RNF145: variants seen among roughly 807,000 people sequenced by gnomAD.
RNF145 encodes ring finger protein 145.
RNF145 carries 12 observed loss-of-function variants against 57.3 expected under a neutral mutation model. The observed-to-expected ratio is 0.21, with a 90% CI of 0.13 to 0.34. RNF145 has a LOEUF of 0.34. RNF145 is among the 10% of genes least tolerant of loss of function. The pLI is 1.00. For missense variants in RNF145, 429 were observed against 799.0 expected (o/e 0.54, Z 5.58); for synonymous variants, 262 against 288.3 (o/e 0.91, Z 0.92).
intron 8 of RNF145, among the ~76,000 whole-genome samples, chr5:159,165,881 A>T (rs1295693119): frequency 6.6e-6 from 1 of 152,190 alleles, no homozygotes; most frequent in African/African-American, 2.4e-5. Flanking sequence ...TTGCATTGGC[A>T]TCTGGGTTGT....
chr5:159,199,181 G>A (rs532526308), intron 2 of RNF145, among the ~76,000 whole-genome samples: 2 of 152,124 alleles, frequency 1.3e-5, no homozygotes, highest in South Asian at 4.1e-4. Context: ...TGGAATCACA[G>A]AGGAAGAACA....
Position 159,161,639 on chromosome 5 carries a change from A to G in RNF145, c.1270-17T>C. 2 of 1,302,400 alleles carry G rather than the reference A, an allele frequency of 1.5e-6. No homozygotes were observed. The highest frequency in any genetic ancestry group is 2.2e-6 in the Non-Finnish European group (2 of 921,842). 80.7% of individuals were successfully genotyped at this position (1,302,400 alleles called of 1,614,324 possible). On this transcript the variant is annotated splice_polypyrimidine_tract_variant and intron_variant, in intron 9 of 10. Coordinates refer to ENST00000424310, the MANE Select transcript of RNF145 (RefSeq NM_001199383.2). ...TCCCAGAACCTGAAAAAAAAAAAAA[A>G]ATGTACGTATCTTGAAATATGATCA...
At position 159,176,806 on chromosome 5, in the gene RNF145, A is replaced by G. The variant is rs1784734848; in HGVS notation, c.447T>C (p.Phe149=). The change falls in exon 5 of 11, where the codon TTT becomes TTC. Residue 149 remains phenylalanine, a synonymous_variant. Transcript: ENST00000424310. ...CVMKTKQIWL[F]SAHMLPLLAR... ...CTAGCAGAGGAAGCATGTGAGCTGAAAACAGCCAAATCTGCTTTGTTTTCA... is the reference window on the plus strand; with the variant it reads ...CTAGCAGAGGAAGCATGTGAGCTGAGAACAGCCAAATCTGCTTTGTTTTCA... The G allele has an allele frequency of 1.2e-6, 2 of 1,612,524 alleles. No individual in the cohort carries two copies. The highest frequency in any genetic ancestry group is 1.3e-5 in the African/African-American group (1 of 74,878).
chr5:159,199,419 G>C (rs1202051600), intron 2 of RNF145, among the ~76,000 whole-genome samples: 1 of 152,010 alleles, frequency 6.6e-6, no homozygotes, highest in African/African-American at 2.4e-5. Flanking sequence ...TCAAGAAAGA[G>C]GAAGTGGTAA....
At chr5:159,198,113 A>T (rs1025207963) in intron 2 of RNF145, among the ~76,000 whole-genome samples, 3 of 152,010 alleles carry the variant, frequency 2.0e-5, no homozygotes, top group Non-Finnish European at 4.4e-5. Context: ...GTGGTGGCAC[A>T]CAACTGTGGT....
At chr5:159,164,674 C>T (rs1784336593) in intron 8 of RNF145, among the ~76,000 whole-genome samples, 1 of 152,084 alleles carries the variant, frequency 6.6e-6, no homozygotes, top group Non-Finnish European at 1.5e-5. Flanking sequence ...ATTGAAACCT[C>T]GTGCAATAGG....
chr5:159,207,947 G>A lies in RNF145; in HGVS notation c.-40+1284C>T, dbSNP rs989481023. ...GCAGCACCGACAGCTCATTCTTTTG[G>A]GCATGATTCAAGATTCAGTAAAACT... On this transcript the variant is annotated intron_variant, in intron 1 of 10. Coordinates refer to ENST00000424310, the MANE Select transcript of RNF145 (RefSeq NM_001199383.2). 20 of 1,604,032 alleles carry A rather than the reference G, an allele frequency of 1.2e-5. No individual in the cohort carries two copies. In the African/African-American group the frequency reaches 2.0e-4, roughly 16 times the overall value.
rs771351378 is a variant in RNF145 at position 159,158,775 on chromosome 5, A to G, written c.1887T>C (p.Asn629=). The G allele has an allele frequency of 1.9e-6, 3 of 1,613,940 alleles. No homozygotes were observed. Among genetic ancestry groups the G allele is most frequent in the Non-Finnish European group, 2.5e-6 (3 of 1,179,868 alleles). ...CTGGTCGTCTGGCAATGTACTCATTATTGTCCCTGGAACCTTCCTGTATCC... is the reference window on the plus strand; with the variant it reads ...CTGGTCGTCTGGCAATGTACTCATTGTTGTCCCTGGAACCTTCCTGTATCC... ...GTRIQEGSRD[N]NEYIARRPDN... is the part of the protein sequence containing the mutation. Residue 629 remains asparagine (N), a synonymous_variant, in exon 11 of 11, where the codon AAT becomes AAC. Coordinates refer to ENST00000424310, the MANE Select transcript of RNF145 (RefSeq NM_001199383.2).
intron 3 of RNF145, among the ~76,000 whole-genome samples, chr5:159,193,314 G>C (rs1353761788): frequency 6.6e-6 from 1 of 152,182 alleles, no homozygotes; most frequent in Non-Finnish European, 1.5e-5. Flanking sequence ...CCTACCCTGG[G>C]CAGGATGGTG....
intron 6 of RNF145, among the ~76,000 whole-genome samples, chr5:159,173,746 T>C (rs559476170): frequency 7.9e-5 from 12 of 152,334 alleles, no homozygotes; most frequent in African/African-American, 2.6e-4. Flanking sequence ...GCTATGTACC[T>C]TTCCACAAAT....
At chr5:159,188,402 AAAAAAG>A (rs1357683535) in intron 3 of RNF145, among the ~76,000 whole-genome samples, 1 of 152,130 alleles carries the variant, frequency 6.6e-6, no homozygotes, top group Non-Finnish European at 1.5e-5. Context: ...TCAAAAAAAA[AAAAAAG>A]AAATACTGGA....
At chr5:159,208,521 G>A (rs1379398801) in intron 1 of RNF145, among the ~76,000 whole-genome samples, 4 of 152,106 alleles carry the variant, frequency 2.6e-5, no homozygotes, top group African/African-American at 7.2e-5. Flanking sequence ...AAAAGGAAGG[G>A]ATGAGGAGCC....
chr5:159,189,495 G>A (rs1016393173), intron 3 of RNF145, among the ~76,000 whole-genome samples: 1 of 152,188 alleles, frequency 6.6e-6, no homozygotes, highest in Non-Finnish European at 1.5e-5. Context: ...CTCATACACC[G>A]CTGGTAGAAA....
In RNF145 at chr5:159,209,273, G is replaced by A. The variant is rs539884155; in HGVS notation, c.-82C>T. The A allele has an allele frequency of 7.1e-4, 699 of 985,356 alleles. 3 individuals carry two copies. In the South Asian group the frequency reaches 8.4e-3, roughly 12 times the overall value. The allele number at this position is 985,356 out of a possible 1,614,324, so 61.0% of individuals were successfully genotyped here. Reference sequence around the variant, plus strand: ...CTCCCTGGGGAGCGGCGCTGCCGGCGGGCGGGCTCCGCAACTCCCCGGCTC... The same window carrying A: ...CTCCCTGGGGAGCGGCGCTGCCGGCAGGCGGGCTCCGCAACTCCCCGGCTC... On this transcript the variant is annotated 5_prime_UTR_variant, in exon 1 of 11. Coordinates refer to ENST00000424310, the MANE Select transcript of RNF145 (RefSeq NM_001199383.2).
chr5:159,193,572 G>C (rs1785357144), intron 3 of RNF145, among the ~76,000 whole-genome samples: 1 of 152,092 alleles, frequency 6.6e-6, no homozygotes, highest in Admixed American at 6.5e-5. Flanking sequence ...GAATTGAACA[G>C]TATTTTAAAA....
chr5:159,187,536 C>T lies in RNF145; in HGVS notation c.294-5485G>A, dbSNP rs1020821613. Among the ~76,000 whole-genome samples the T allele has an allele frequency of 2.6e-5, 4 of 151,922 alleles. 1 individual carries two copies. The highest frequency in any genetic ancestry group is 2.0e-4 in the Admixed American group (3 of 15,268). On this transcript the variant is annotated intron_variant, in intron 3 of 10. Coordinates refer to ENST00000424310, the MANE Select transcript of RNF145 (RefSeq NM_001199383.2). ...TAGATACGGGGTTTCACTATGTTGG[C>T]CAGGCTGGTCTCGAATGCCTGACCT...
At chr5:159,172,479 C>CA (rs57179088) in intron 6 of RNF145, among the ~76,000 whole-genome samples, 80 of 135,678 alleles carry the variant, frequency 5.9e-4, no homozygotes, top group African/African-American at 9.5e-4. Flanking sequence ...GATTCCGTCT[C>CA]AAAAAAAAAA....
intron 1 of RNF145, 32 bp from the exon 2 acceptor site, chr5:159,203,688 A>C: frequency 1.4e-6 from 2 of 1,468,148 alleles, no homozygotes; most frequent in Non-Finnish European, 1.8e-6. Context: ...ATATAAAAAT[A>C]AAAAGTCAAC....
intron 3 of RNF145, among the ~76,000 whole-genome samples, chr5:159,191,956 C>G (rs999469483): frequency 6.6e-6 from 1 of 151,828 alleles, no homozygotes; most frequent in Non-Finnish European, 1.5e-5. Context: ...ATCCTGACCT[C>G]TCTAGAAATG....
Sources: allele counts gnomAD v4.1 joint callset (sites outside exome capture counted in the v4.1 genomes callset), GRCh38; gene constraint gnomAD v4.1.1; transcripts MANE v1.5; gene names NCBI Gene and HGNC (gene_info 2026-07-23, HGNC 2026-07-21).